C3orf52: variants seen among roughly 807,000 people sequenced by gnomAD.
C3orf52 encodes TPA-induced transmembrane protein.
In C3orf52, 22 loss-of-function variants were observed where a neutral mutation model predicts 24.8. The ratio of observed to expected loss-of-function variants is 0.89; its 90% CI spans 0.63 to 1.27. The LOEUF (loss-of-function observed/expected upper bound fraction) is 1.27, where lower values mean the gene tolerates loss of function less well. C3orf52 is among the 50% of genes most tolerant of loss of function. C3orf52 has a pLI of 0.00. For synonymous variants in C3orf52, 93 were observed against 100.2 expected (o/e 0.93, Z 0.43); for missense variants, 265 against 260.7 (o/e 1.02, Z -0.11).
At chr3:112,131,471 CGG>C (rs886526489), downstream of C3orf52, among the ~76,000 whole-genome samples, 2 of 152,064 alleles carry the variant, frequency 1.3e-5, no homozygotes, top group African/African-American at 4.8e-5. Flanking sequence ...AATACGTTAA[CGG>C]AAACATTTTA....
intron 2 of C3orf52, among the ~76,000 whole-genome samples, chr3:112,101,106 A>C (rs1357208733): frequency 1.3e-5 from 2 of 152,226 alleles, no homozygotes; most frequent in Non-Finnish European, 2.9e-5. Context: ...ATAACAATTA[A>C]GGACGCAGGG....
At chr3:112,089,833 C>T (rs1034849441) in intron 1 of C3orf52, among the ~76,000 whole-genome samples, 3 of 152,058 alleles carry the variant, frequency 2.0e-5, no homozygotes, top group Non-Finnish European at 4.4e-5. Context: ...TATCTAAAGA[C>T]GGATGTAAAT....
At chr3:112,123,403 C>T (rs1386082519) in intron 4 of C3orf52, 2 of 1,578,396 alleles carry the variant, frequency 1.3e-6, no homozygotes, top group Middle Eastern at 1.7e-4. Flanking sequence ...GCAGATCCCC[C>T]ATCCCACCTT....
intron 3 of C3orf52, among the ~76,000 whole-genome samples, chr3:112,104,113 A>G (rs994637175): frequency 2.0e-5 from 3 of 152,308 alleles, no homozygotes; most frequent in Non-Finnish European, 4.4e-5. Flanking sequence ...CTCACTCAAT[A>G]AGAGTCCATG....
intron 4 of C3orf52, chr3:112,127,037 TAAAAG>T (rs1395517876): frequency 1.3e-6 from 2 of 1,571,944 alleles, no homozygotes; most frequent in Non-Finnish European, 1.7e-6. Context: ...TTTTTTCCTG[TAAAAG>T]AAAAGCAAAG....
At chr3:112,088,661 TTCTATCTATCTA>T (rs148242711) in intron 1 of C3orf52, among the ~76,000 whole-genome samples, 3 of 151,966 alleles carry the variant, frequency 2.0e-5, no homozygotes, top group South Asian at 2.1e-4. Context: ...TGTTGATTTA[TTCTATCTATCTA>T]TCTATCTATC....
At chr3:112,118,830 G>A (rs112759679), downstream of C3orf52, among the ~76,000 whole-genome samples, 969 of 152,288 alleles carry the variant, frequency 6.4e-3, 6 homozygotes, top group Non-Finnish European at 9.7e-3. Flanking sequence ...ACTTAGATAT[G>A]GATAGAATGG....
At chr3:112,128,569 G>A in exon 5 of C3orf52, 1 of 243,764 alleles carries the variant, frequency 4.1e-6, no homozygotes, top group Non-Finnish European at 8.2e-6. Context: ...TGTTCATCGT[G>A]GTATGTATTT....
At chr3:112,127,877 C>T (rs931954030) in intron 4 of C3orf52, 1 of 670,254 alleles carries the variant, frequency 1.5e-6, no homozygotes, top group South Asian at 1.8e-5. Context: ...GATTGCTTCC[C>T]TGATTAACTC....
chr3:112,089,529 C>CAAA (rs56236834), intron 1 of C3orf52, among the ~76,000 whole-genome samples: 3 of 97,574 alleles, frequency 3.1e-5, no homozygotes, highest in African/African-American at 3.8e-5. Context: ...AACTTCGTCT[C>CAAA]AAAAAAAAAA....
intron 5 of C3orf52, among the ~76,000 whole-genome samples, chr3:112,116,267 C>G (rs548640232): frequency 6.6e-6 from 1 of 152,108 alleles, no homozygotes; most frequent in Non-Finnish European, 1.5e-5. Context: ...CACCATTTCT[C>G]TCATCAGAAT....
chr3:112,087,425 T>G (rs532437250), intron 1 of C3orf52, among the ~76,000 whole-genome samples: 25 of 152,250 alleles, frequency 1.6e-4, no homozygotes, highest in Admixed American at 1.6e-3. Flanking sequence ...ACCTTCTGAT[T>G]AACTCCTAAG....
In C3orf52 at chr3:112,112,876, T is replaced by TAAAAAAA. The variant is rs76778672; in HGVS notation, c.468-81_468-75dup. The TAAAAAAA allele has an allele frequency of 3.2e-6, 3 of 951,488 alleles. No homozygotes were observed. The African/African-American group carries it at 5.1e-5, about 16-fold the overall frequency. 58.9% of individuals were successfully genotyped at this position (951,488 alleles called of 1,614,324 possible). Reference sequence around the variant, plus strand: ...TTTGTACTGGAAGAACATGCAAAACTAAAAAAAAAAAAAGTTATTGCTTAA... The same window carrying TAAAAAAA: ...TTTGTACTGGAAGAACATGCAAAACTAAAAAAAAAAAAAAAAAAAAGTTATTGCTTAA... On this transcript the variant is annotated intron_variant, in intron 4 of 5. Coordinates refer to ENST00000264848, the MANE Select transcript of C3orf52 (RefSeq NM_024616.3).
chr3:112,094,183 C>T (rs568048267), intron 2 of C3orf52, among the ~76,000 whole-genome samples: 9 of 152,034 alleles, frequency 5.9e-5, no homozygotes, highest in African/African-American at 9.7e-5. Context: ...TTAGTAGAGA[C>T]GGGGTTTTGC....
At chr3:112,099,431 T>C (rs1468886818) in intron 2 of C3orf52, among the ~76,000 whole-genome samples, 1 of 152,204 alleles carries the variant, frequency 6.6e-6, no homozygotes, top group African/African-American at 2.4e-5. Context: ...TCTGCTACTA[T>C]CCAATTGTGT....
Position 112,116,876 on chromosome 3 carries a change from C to T in C3orf52, c.*230C>T. 1 of 1,537,316 alleles carries T rather than the reference C, an allele frequency of 6.5e-7. No individual in the cohort carries two copies. Among genetic ancestry groups the T allele is most frequent in the Non-Finnish European group, 8.7e-7 (1 of 1,146,880 alleles). ...GTCCAGTCTTGACAAAGGCAGGAAG[C>T]CAGCTAGGGTGGGGGCGATAGGGTC... On this transcript the variant is annotated 3_prime_UTR_variant, in exon 6 of 6. Transcript: ENST00000264848.
chr3:112,107,808 C>T (rs781298495), intron 3 of C3orf52, among the ~76,000 whole-genome samples: 1 of 151,624 alleles, frequency 6.6e-6, no homozygotes, highest in Non-Finnish European at 1.5e-5. Context: ...GCAGAAATAG[C>T]AGGCACTCTC....
chr3:112,125,399 C>G (rs368602292), intron 4 of C3orf52: 1 of 644,362 alleles, frequency 1.6e-6, no homozygotes. Flanking sequence ...ACAGCACATC[C>G]CTGGGGAGTG....
intron 4 of C3orf52, among the ~76,000 whole-genome samples, chr3:112,109,999 G>A (rs2074062738): frequency 1.3e-5 from 2 of 152,206 alleles, no homozygotes. Flanking sequence ...AGGAGCACAA[G>A]TAATACAGGA....
Sources: gnomAD v4.1 joint callset for allele counts (sites outside exome capture counted in the v4.1 genomes callset) on GRCh38, gnomAD v4.1.1 for gene constraint, MANE v1.5 for transcripts, NCBI Gene and HGNC (gene_info 2026-07-23, HGNC 2026-07-21) for gene names.